CSMD1: variants seen among roughly 807,000 people sequenced by gnomAD.
CSMD1 encodes CUB and Sushi multiple domains 1, also known as CUB and sushi domain-containing protein 1.
CSMD1 carries 213 observed loss-of-function variants against 417.5 expected under a neutral mutation model. That is an observed-to-expected ratio of 0.51 (90% confidence interval 0.46 to 0.57). The LOEUF is 0.57. Ranked by LOEUF, CSMD1 falls within the 20% of genes least tolerant of loss-of-function variation. The pLI, the probability that CSMD1 is intolerant of heterozygous loss-of-function variation, is 0.00. For missense variants in CSMD1, 6,923 were observed against 4,529.7 expected (o/e 1.53, Z -15.17); for synonymous variants, 2,862 against 1,736.8 (o/e 1.65, Z -16.11).
intron 1 of CSMD1, among the ~76,000 whole-genome samples, chr8:4,744,902 G>T (rs902040347): frequency 6.6e-6 from 1 of 152,000 alleles, no homozygotes; most frequent in Non-Finnish European, 1.5e-5. Flanking sequence ...AATTCTAATG[G>T]CTCAGTATGT....
At chr8:4,519,276 A>G (rs1187189378) in intron 2 of CSMD1, among the ~76,000 whole-genome samples, 1 of 152,164 alleles carries the variant, frequency 6.6e-6, no homozygotes, top group Non-Finnish European at 1.5e-5. Flanking sequence ...TATGGAATCT[A>G]TAAAATATCT....
intron 18 of CSMD1, among the ~76,000 whole-genome samples, chr8:3,385,426 A>AG (rs1810948575): frequency 6.6e-6 from 1 of 151,626 alleles, no homozygotes; most frequent in Admixed American, 6.6e-5. Context: ...TGTTATCCTG[A>AG]ATGCAGCCAC....
At chr8:3,789,907 A>T (rs1197544375) in intron 5 of CSMD1, among the ~76,000 whole-genome samples, 1 of 151,548 alleles carries the variant, frequency 6.6e-6, no homozygotes, top group Non-Finnish European at 1.5e-5. Flanking sequence ...AATTTTTTGT[A>T]TTTTCAGTAG....
At chr8:3,173,242 A>C (rs1408808195) in intron 37 of CSMD1, among the ~76,000 whole-genome samples, 1 of 152,202 alleles carries the variant, frequency 6.6e-6, no homozygotes, top group Non-Finnish European at 1.5e-5. Context: ...TGTTACACTC[A>C]ACACACAAAT....
chr8:3,240,622 G>A (rs977120805), intron 26 of CSMD1, among the ~76,000 whole-genome samples: 2 of 152,060 alleles, frequency 1.3e-5, no homozygotes, highest in African/African-American at 4.8e-5. Context: ...AGCCTGATGG[G>A]TGTCAGGGTC....
intron 7 of CSMD1, among the ~76,000 whole-genome samples, 188 bp downstream of exon 7, chr8:3,708,226 C>T (rs1801289481): frequency 6.6e-6 from 1 of 152,118 alleles, no homozygotes; most frequent in Non-Finnish European, 1.5e-5. Flanking sequence ...TTAGAACCAC[C>T]ACGACATTCC....
intron 3 of CSMD1, among the ~76,000 whole-genome samples, chr8:4,146,025 C>T (rs1445935194): frequency 6.6e-6 from 1 of 150,838 alleles, no homozygotes; most frequent in Non-Finnish European, 1.5e-5. Context: ...CAAAAAAAAT[C>T]TGTTGGGGAG....
intron 1 of CSMD1, among the ~76,000 whole-genome samples, chr8:4,816,058 A>C (rs1799188330): frequency 6.6e-6 from 1 of 152,204 alleles, no homozygotes; most frequent in South Asian, 2.1e-4. Context: ...ACAGATAAAC[A>C]CAGCAGGACT....
intron 6 of CSMD1, among the ~76,000 whole-genome samples, chr8:3,709,680 G>GTTTTTTTTGTTTTTTTTTTTTTTTTT: frequency 5.9e-5 from 2 of 33,702 alleles, no homozygotes; most frequent in Admixed American, 9.4e-4. Context: ...GCAGCAGCAT[G>GTTTTTTTTGTTTTTTTTTTTTTTTTT]TTTTTTTTTT....
intron 3 of CSMD1, among the ~76,000 whole-genome samples, chr8:4,359,580 C>G (rs1348856289): frequency 1.3e-5 from 2 of 152,188 alleles, no homozygotes; most frequent in Non-Finnish European, 2.9e-5. Context: ...TTGGAGATTA[C>G]ATGGTGTTCT....
At chr8:3,959,207 T>C (rs934091170) in intron 5 of CSMD1, among the ~76,000 whole-genome samples, 19 of 152,216 alleles carry the variant, frequency 1.2e-4, no homozygotes, top group Admixed American at 1.2e-3. Flanking sequence ...AAAAAATTCT[T>C]ATAGTTTCTA....
intron 12 of CSMD1, among the ~76,000 whole-genome samples, chr8:3,439,527 G>C (rs777656395): frequency 7.0e-6 from 1 of 143,452 alleles, no homozygotes; most frequent in Non-Finnish European, 1.5e-5. Context: ...GTGTGTAATT[G>C]TAGAGTCTTA....
At chr8:3,527,253 G>T (rs1585307713) in intron 10 of CSMD1, among the ~76,000 whole-genome samples, 1 of 152,116 alleles carries the variant, frequency 6.6e-6, no homozygotes, top group South Asian at 2.1e-4. Flanking sequence ...ATTGGTACAG[G>T]GCGCTGATAG....
intron 3 of CSMD1, among the ~76,000 whole-genome samples, chr8:4,273,051 T>C (rs1056563626): frequency 1.3e-5 from 2 of 152,148 alleles, no homozygotes; most frequent in Non-Finnish European, 2.9e-5. Flanking sequence ...ATGGGGATCA[T>C]TATGTTGCCA....
chr8:3,548,880 C>T (rs566002928), intron 10 of CSMD1, among the ~76,000 whole-genome samples: 2 of 152,188 alleles, frequency 1.3e-5, no homozygotes, highest in African/African-American at 2.4e-5. Context: ...CGCTCCCTAC[C>T]CCGAGTCCAC....
chr8:3,224,659 A>C (rs1798395990), intron 27 of CSMD1, among the ~76,000 whole-genome samples: 1 of 152,246 alleles, frequency 6.6e-6, no homozygotes, highest in Non-Finnish European at 1.5e-5. Context: ...TGATAATAAC[A>C]AATTTAGTTT....
intron 1 of CSMD1, among the ~76,000 whole-genome samples, chr8:4,899,859 G>A (rs773902900): frequency 6.6e-6 from 1 of 152,136 alleles, no homozygotes; most frequent in Admixed American, 6.5e-5. Context: ...CTTTTTCTCT[G>A]GTGTCAGACA....
At position 4,588,516 on chromosome 8, in the gene CSMD1, C is replaced by G. The variant is rs949627696; in HGVS notation, c.302+48826G>C. On this transcript the variant is annotated intron_variant, in intron 2 of 69. Coordinates refer to ENST00000635120, the MANE Select transcript of CSMD1 (RefSeq NM_033225.6). ...CCTGTTTAAGAAACTCTACTCTGGC[C>G]GGGCATGGTGGCACATGCCTGTAAT... 2.0e-5 allele frequency among the ~76,000 whole-genome samples: 3 copies of G among 151,968 alleles called. No homozygotes were observed. The East Asian group carries it at 5.9e-4, about 30-fold the overall frequency.
chr8:4,584,208 T>C (rs1265598933), intron 2 of CSMD1, among the ~76,000 whole-genome samples: 1 of 151,972 alleles, frequency 6.6e-6, no homozygotes, highest in Admixed American at 6.6e-5. Flanking sequence ...TTCTTGAAGC[T>C]AGTGAGACCA....
Sources: allele counts gnomAD v4.1 joint callset (sites outside exome capture counted in the v4.1 genomes callset), GRCh38; gene constraint gnomAD v4.1.1; transcripts MANE v1.5; gene names NCBI Gene and HGNC (gene_info 2026-07-23, HGNC 2026-07-21).